The following SPAG16 variants were observed in gnomAD, a reference collection of about 807,000 sequenced individuals.
The protein encoded by SPAG16 is sperm associated antigen 16, also known as sperm-associated antigen 16 protein.
Under a neutral mutation model 80.4 loss-of-function variants are expected in SPAG16, and 86 were observed. The observed-to-expected ratio is 1.07, with a 90% CI of 0.90 to 1.28. The LOEUF (loss-of-function observed/expected upper bound fraction) is 1.28. Among genes scored for constraint, SPAG16 ranks in the 50% most tolerant of loss-of-function variants. SPAG16 has a pLI of 0.00. For missense variants in SPAG16, 870 were observed against 765.3 expected (o/e 1.14, Z -1.61); for synonymous variants, 294 against 265.9 (o/e 1.11, Z -1.03).
At chr2:213,771,559 T>A (rs1187466477) in intron 10 of SPAG16, among the ~76,000 whole-genome samples, 2 of 152,204 alleles carry the variant, frequency 1.3e-5, no homozygotes, top group African/African-American at 4.8e-5. Context: ...TTGCCTAGAT[T>A]TTCTTCTAGG....
chr2:213,423,227 C>G (rs997454999), intron 9 of SPAG16, among the ~76,000 whole-genome samples: 4 of 152,040 alleles, frequency 2.6e-5, no homozygotes, highest in Non-Finnish European at 5.9e-5. Flanking sequence ...GTTCATCTAC[C>G]CTTAACTTCT....
At position 213,426,754 on chromosome 2, in the gene SPAG16, G is replaced by GGTGT. The variant is rs148203065; in HGVS notation, c.942+51664_942+51667dup. ...AACTGTTCTCTAAAAGCATAAATCT[G>GGTGT]GTGTGTGTGTGTGTGTGTGTGTGTG... is the stretch of plus-strand genomic sequence containing the variant. On this transcript the variant is annotated intron_variant, in intron 9 of 15. Transcript: ENST00000331683. Among the ~76,000 whole-genome samples the GGTGT allele has an allele frequency of 6.7e-3, 940 of 140,620 alleles. 6 individuals are homozygous for GGTGT. Among genetic ancestry groups the GGTGT allele is most frequent in the Non-Finnish European group, 8.9e-3 (572 of 64,198 alleles). The allele number at this position is 140,620 out of a possible 152,430, so 92.3% of individuals were successfully genotyped here.
At chr2:213,344,161 T>C (rs1296613897) in intron 6 of SPAG16, among the ~76,000 whole-genome samples, 1 of 152,152 alleles carries the variant, frequency 6.6e-6, no homozygotes, top group East Asian at 1.9e-4. Context: ...TCTTAAAATA[T>C]CTTTCCCCAG....
At chr2:213,998,304 G>A (rs1473192435) in intron 12 of SPAG16, among the ~76,000 whole-genome samples, 2 of 152,144 alleles carry the variant, frequency 1.3e-5, no homozygotes, top group African/African-American at 2.4e-5. Context: ...GGAGGACCAG[G>A]TGGGAGATAA....
At chr2:213,976,889 TC>T (rs1435077897) in intron 12 of SPAG16, among the ~76,000 whole-genome samples, 4 of 152,074 alleles carry the variant, frequency 2.6e-5, no homozygotes, top group Admixed American at 6.6e-5. Flanking sequence ...GCTGACACCT[TC>T]ATTTCAGCCT....
intron 12 of SPAG16, among the ~76,000 whole-genome samples, chr2:213,935,505 G>T (rs114791133): frequency 7.3e-4 from 111 of 152,150 alleles, no homozygotes; most frequent in African/African-American, 2.6e-3. Flanking sequence ...CAATGCTGTT[G>T]GAGTCCATGA....
intron 9 of SPAG16, among the ~76,000 whole-genome samples, chr2:213,444,192 C>T (rs898659371): frequency 2.0e-5 from 3 of 152,146 alleles, no homozygotes; most frequent in African/African-American, 7.2e-5. Flanking sequence ...AACTGTAAAC[C>T]TTGGGGCTCT....
rs974644595 is a variant in SPAG16 at position 213,910,779 on chromosome 2, C to T, written c.1215-19181C>T. Among the ~76,000 whole-genome samples the T allele has an allele frequency of 1.7e-4, 5 of 29,724 alleles. 1 individual carries two copies. The highest frequency in any genetic ancestry group is 2.9e-4 in the Non-Finnish European group (2 of 6,876). 19.5% of individuals were successfully genotyped at this position (29,724 alleles called of 152,430 possible). On this transcript the variant is annotated intron_variant, in intron 11 of 15. Transcript: ENST00000331683. Reference sequence around the variant, plus strand: ...CTGGGATTACAGGCGTGAGCCACCACGCCCGGCCAAGAATTCTTTTACTAG... The same window carrying T: ...CTGGGATTACAGGCGTGAGCCACCATGCCCGGCCAAGAATTCTTTTACTAG...
At chr2:214,259,549 C>G (rs1042046262) in intron 15 of SPAG16, among the ~76,000 whole-genome samples, 2 of 150,022 alleles carry the variant, frequency 1.3e-5, no homozygotes, top group African/African-American at 4.9e-5. Flanking sequence ...ACCCCTCCCC[C>G]ACACACGTTT....
chr2:213,827,925 G>A (rs1171711363), intron 10 of SPAG16, among the ~76,000 whole-genome samples: 1 of 151,948 alleles, frequency 6.6e-6, no homozygotes, highest in Admixed American at 6.6e-5. Context: ...TTCTCTTGCT[G>A]CTTTTAGGAT....
chr2:214,272,164 T>C (rs1692077332), intron 15 of SPAG16, among the ~76,000 whole-genome samples: 1 of 152,206 alleles, frequency 6.6e-6, no homozygotes, highest in Admixed American at 6.5e-5. Flanking sequence ...TTACCAATTT[T>C]CCTTTTTAAC....
At chr2:213,989,251 C>T (rs2046167157) in intron 12 of SPAG16, among the ~76,000 whole-genome samples, 1 of 152,120 alleles carries the variant, frequency 6.6e-6, no homozygotes, top group Non-Finnish European at 1.5e-5. Context: ...CAGTATCCAT[C>T]TTTCTGCCTT....
At chr2:213,294,487 G>C (rs755116826) in intron 1 of SPAG16, among the ~76,000 whole-genome samples, 4 of 152,176 alleles carry the variant, frequency 2.6e-5, no homozygotes, top group Non-Finnish European at 5.9e-5. Flanking sequence ...ATGAATTAAG[G>C]TTATGGAATA....
At chr2:213,348,515 C>T (rs1038848022) in intron 6 of SPAG16, among the ~76,000 whole-genome samples, 3 of 152,104 alleles carry the variant, frequency 2.0e-5, no homozygotes, top group Non-Finnish European at 4.4e-5. Flanking sequence ...GTGGCTGTTA[C>T]CGGTTGTTCC....
At chr2:214,199,865 G>A (rs2125716452) in intron 15 of SPAG16, among the ~76,000 whole-genome samples, 1 of 152,250 alleles carries the variant, frequency 6.6e-6, no homozygotes, top group African/African-American at 2.4e-5. Context: ...TGCAGCTGTT[G>A]TAAAAGGGAT....
chr2:214,013,203 GTAAT>G (rs956480984), intron 12 of SPAG16, among the ~76,000 whole-genome samples: 1 of 142,170 alleles, frequency 7.0e-6, no homozygotes, highest in Non-Finnish European at 1.5e-5. Context: ...TTTGGTTTAA[GTAAT>G]TAATCGGTGC....
chr2:213,469,932 A>G (rs1299592832), intron 9 of SPAG16, among the ~76,000 whole-genome samples: 2 of 152,132 alleles, frequency 1.3e-5, no homozygotes, highest in Admixed American at 6.5e-5. Flanking sequence ...TCCTGGTGGA[A>G]GCATTCCCCT....
At chr2:213,975,131 A>G (rs1407810077) in intron 12 of SPAG16, among the ~76,000 whole-genome samples, 1 of 151,190 alleles carries the variant, frequency 6.6e-6, no homozygotes, top group Non-Finnish European at 1.5e-5. Context: ...GATATCTATC[A>G]TAGGTCTGTA....
intron 15 of SPAG16, among the ~76,000 whole-genome samples, chr2:214,357,097 T>G (rs1456558615): frequency 1.3e-5 from 2 of 151,974 alleles, no homozygotes; most frequent in African/African-American, 2.4e-5. Context: ...TATGGAGATA[T>G]CACTTTTAAT....
Sources: allele counts gnomAD v4.1 joint callset (sites outside exome capture counted in the v4.1 genomes callset), GRCh38; gene constraint gnomAD v4.1.1; transcripts MANE v1.5; gene names NCBI Gene and HGNC (gene_info 2026-07-23, HGNC 2026-07-21).